Variants in CBR4 observed in about 807,000 individuals in gnomAD.
CBR4 encodes the protein carbonyl reductase 4.
CBR4 carries 22 observed loss-of-function variants against 21.0 expected under a neutral mutation model. The ratio of observed to expected loss-of-function variants is 1.05; its 90% confidence interval spans 0.75 to 1.50. CBR4 has a LOEUF of 1.50. Among genes scored for constraint, CBR4 ranks in the 40% most tolerant of loss-of-function variants. The pLI, the probability that CBR4 is intolerant of heterozygous loss-of-function variation, is 0.00. For synonymous variants in CBR4, 100 were observed against 104.4 expected, an observed-to-expected ratio of 0.96 and a Z score of 0.26; for missense variants, 302 against 286.3, an observed-to-expected ratio of 1.05 and a Z score of -0.40.
intron 2 of CBR4, among the ~76,000 whole-genome samples, chr4:168,932,440 T>C (rs1052213246): frequency 6.6e-6 from 1 of 151,348 alleles, no homozygotes; most frequent in Non-Finnish European, 1.5e-5. Context: ...GGGACACTGT[T>C]AAGTGAACAA....
At chr4:168,970,892 G>T (rs377670276) in intron 2 of CBR4, among the ~76,000 whole-genome samples, 1 of 152,052 alleles carries the variant, frequency 6.6e-6, no homozygotes, top group African/African-American at 2.4e-5. Context: ...GGGCATTTAG[G>T]CTGGTTCCAG....
At chr4:169,009,511 C>CT (rs934927176) in intron 1 of CBR4, among the ~76,000 whole-genome samples, 2 of 152,254 alleles carry the variant, frequency 1.3e-5, no homozygotes, top group African/African-American at 4.8e-5. Flanking sequence ...TTGGTACCTG[C>CT]ACTCCCACCT....
At chr4:168,995,656 C>A (rs1348983158) in intron 4 of CBR4, among the ~76,000 whole-genome samples, 3 of 152,112 alleles carry the variant, frequency 2.0e-5, no homozygotes, top group Admixed American at 1.3e-4. Context: ...CTCTACTCCC[C>A]TTTTTGCTAG....
intron 2 of CBR4, chr4:168,924,130 A>G: frequency 1.3e-6 from 1 of 794,484 alleles, no homozygotes; most frequent in Non-Finnish European, 2.1e-6. Context: ...CTAGCATCTT[A>G]CCACCTGGAG....
chr4:168,894,491 G>T, intron 3 of CBR4: 2 of 795,470 alleles, frequency 2.5e-6, no homozygotes, highest in Non-Finnish European at 2.2e-6. Flanking sequence ...AATCATGAAA[G>T]TGTGTTGTTT....
At position 168,989,021 on chromosome 4, in the gene CBR4, G is replaced by A. The variant is rs751270736; in HGVS notation, c.*1129C>T. The stretch of plus-strand genomic sequence containing the variant: ...AATTATTACCTGGTATTTCACATTC[G>A]GTTTGTGTCTTTATCTCTACTCCCA... On this transcript the variant is annotated 3_prime_UTR_variant, in exon 5 of 5. Transcript: ENST00000306193. The A allele has an allele frequency of 1.1e-4, 112 of 984,108 alleles. No homozygotes were observed. Among genetic ancestry groups the A allele is most frequent in the Non-Finnish European group, 1.3e-4 (111 of 828,866 alleles). The allele number at this position is 984,108 out of a possible 1,614,324, so 61.0% of individuals were successfully genotyped here.
At chr4:168,896,520 T>C in intron 2 of CBR4, 1 of 1,296,328 alleles carries the variant, frequency 7.7e-7, no homozygotes, top group Non-Finnish European at 1.1e-6. Context: ...CTATTATTAG[T>C]CTTCACATCT....
At chr4:169,000,962 C>G (rs888598405) in intron 4 of CBR4, among the ~76,000 whole-genome samples, 1 of 151,922 alleles carries the variant, frequency 6.6e-6, no homozygotes, top group African/African-American at 2.4e-5. Flanking sequence ...TAAAGAAAAT[C>G]TAAAAAGAAT....
intron 2 of CBR4, chr4:168,927,100 G>T (rs1762666510): frequency 4.5e-6 from 1 of 223,676 alleles, no homozygotes; most frequent in Non-Finnish European, 8.9e-6. Context: ...AATATAAAGT[G>T]CTCTGAATAA....
intron 2 of CBR4, among the ~76,000 whole-genome samples, chr4:168,917,614 GT>G (rs1760462317): frequency 6.6e-6 from 1 of 152,084 alleles, no homozygotes; most frequent in Non-Finnish European, 1.5e-5. Context: ...TGCTGGTTCT[GT>G]ATGGAATATG....
intron 2 of CBR4, among the ~76,000 whole-genome samples, chr4:168,901,823 ACT>A (rs758669930): frequency 2.0e-5 from 3 of 152,182 alleles, no homozygotes; most frequent in Non-Finnish European, 4.4e-5. Flanking sequence ...ACACCACTGC[ACT>A]CTCTAGCCTG....
intron 4 of CBR4, among the ~76,000 whole-genome samples, chr4:168,992,583 T>C (rs1240825747): frequency 6.6e-6 from 1 of 152,202 alleles, no homozygotes; most frequent in Non-Finnish European, 1.5e-5. Context: ...CATTTGTGTA[T>C]AAAATGTAGG....
intron 3 of CBR4, 39 bp from the exon 4 acceptor site, chr4:169,002,244 T>TA: frequency 1.5e-6 from 2 of 1,352,008 alleles, no homozygotes; most frequent in Non-Finnish European, 1.9e-6. Flanking sequence ...AAAAGCGTAT[T>TA]AAATTCAATT....
chr4:169,007,673 G>A lies in CBR4; in HGVS notation c.226C>T (p.Arg76Ter), dbSNP rs769747513. 17 of 1,586,006 alleles carry A rather than the reference G, an allele frequency of 1.1e-5. No individual in the cohort carries two copies. The highest frequency in any genetic ancestry group is 1.5e-5 in the Non-Finnish European group (17 of 1,167,988). ...TFEELEKHLGRVNFLVNAAGI... is the reference protein window; with the variant it reads ...TFEELEKHLG Reference sequence around the variant, plus strand: ...GCTGCATTTACCAAGAAATTTACTCGACCTAAATGTTTCTCCAGCTCTTCA... The same window carrying A: ...GCTGCATTTACCAAGAAATTTACTCAACCTAAATGTTTCTCCAGCTCTTCA... Residue 76 changes from arginine (R) to a stop codon, truncating the protein, a stop_gained, in exon 2 of 5, where the codon CGA becomes TGA. Transcript: ENST00000306193. LOFTEE classifies it high-confidence loss of function.
At position 168,928,437 on chromosome 4, in the gene CBR4, CAAAAT is replaced by C. The variant is rs1283768915; in HGVS notation, n.170-33677_170-33673del. On this transcript the variant is annotated intron_variant and non_coding_transcript_variant, in intron 2 of 3. Transcript: ENST00000509108. Reference sequence around the variant, plus strand: ...AAATAATAGTTGCAGTTTTGTGAAGCAAAATAAATATTCAGTTTTAGTTTTCTGTT... The same window carrying C: ...AAATAATAGTTGCAGTTTTGTGAAGCAAATATTCAGTTTTAGTTTTCTGTT... 6.2e-5 allele frequency: 11 copies of C among 178,370 alleles called. No homozygotes were observed. In the East Asian group the frequency reaches 1.0e-3, roughly 17 times the overall value. 11.0% of individuals were successfully genotyped at this position (178,370 alleles called of 1,614,324 possible). A position where few individuals can be genotyped will look rare whatever the true frequency, so the allele number is the denominator to read the frequency against.
chr4:168,993,214 T>C (rs1765009599), intron 4 of CBR4, among the ~76,000 whole-genome samples: 1 of 146,730 alleles, frequency 6.8e-6, no homozygotes, highest in African/African-American at 2.5e-5. Context: ...GTATTTTCCT[T>C]TTTTTTTTTT....
At chr4:169,007,590 A>T in intron 2 of CBR4, 46 bp downstream of exon 2, 1 of 1,232,160 alleles carries the variant, frequency 8.1e-7, no homozygotes, top group African/African-American at 1.6e-5. Context: ...TAGGAATAAA[A>T]GTTTTAAATA....
At chr4:169,009,922 C>G (rs768864250) in intron 1 of CBR4, 26 bp downstream of exon 1, 2 of 1,601,130 alleles carry the variant, frequency 1.2e-6, no homozygotes, top group Non-Finnish European at 1.7e-6. Flanking sequence ...GGCCATACAA[C>G]TGGACAACTC....
chr4:169,009,797 T>C (rs752379616), intron 1 of CBR4, 151 bp downstream of exon 1: 14 of 713,432 alleles, frequency 2.0e-5, no homozygotes, highest in Middle Eastern at 4.1e-4. Context: ...ACGAGACGCA[T>C]TCTACCCTTG....
Sources: allele counts gnomAD v4.1 joint callset (sites outside exome capture counted in the v4.1 genomes callset), GRCh38; gene constraint gnomAD v4.1.1; transcripts MANE v1.5; gene names NCBI Gene and HGNC (gene_info 2026-07-23, HGNC 2026-07-21).